Variants in SPC25 observed in about 807,000 individuals in gnomAD.
The protein encoded by SPC25 is kinetochore protein Spc25.
In SPC25, 22 loss-of-function variants were observed where a neutral mutation model predicts 29.6. The observed-to-expected ratio is 0.74, with a 90% CI of 0.53 to 1.06. The LOEUF is 1.06. Ranked by LOEUF, SPC25 falls within the 50% of genes least tolerant of loss-of-function variation. The pLI, the probability that SPC25 is intolerant of heterozygous loss-of-function variation, is 0.00. For synonymous variants in SPC25, 91 were observed against 90.4 expected (o/e 1.01, Z -0.04); for missense variants, 230 against 255.8 (o/e 0.90, Z 0.69).
At chr2:168,880,285 C>T (rs776738017) in intron 3 of SPC25, among the ~76,000 whole-genome samples, 2 of 152,212 alleles carry the variant, frequency 1.3e-5, no homozygotes, top group Non-Finnish European at 2.9e-5. Flanking sequence ...ATGATCTTAG[C>T]TAGATAACTT....
chr2:168,888,953 G>GTATATACACACACACACATATATA (rs1221825706), intron 3 of SPC25, among the ~76,000 whole-genome samples: 1 of 61,548 alleles, frequency 1.6e-5, no homozygotes, highest in Admixed American at 1.8e-4. Flanking sequence ...GTGTGTGTGT[G>GTATATACACACACACACATATATA]TGTGTATATA....
downstream of SPC25, among the ~76,000 whole-genome samples, chr2:168,867,627 A>G (rs1302832213): frequency 2.6e-5 from 4 of 152,246 alleles, no homozygotes; most frequent in African/African-American, 7.2e-5. Flanking sequence ...CAAAGATCAA[A>G]AGAGACAAAG....
chr2:168,869,526 A>G (rs895067445), downstream of SPC25, among the ~76,000 whole-genome samples: 63 of 152,236 alleles, frequency 4.1e-4, no homozygotes, highest in African/African-American at 1.4e-3. Flanking sequence ...ATGCAAAATC[A>G]ATGTGCAAAA....
At chr2:168,884,666 C>T (rs1690231240) in intron 3 of SPC25, among the ~76,000 whole-genome samples, 2 of 152,172 alleles carry the variant, frequency 1.3e-5, no homozygotes, top group African/African-American at 4.8e-5. Context: ...CCTCTGTTCT[C>T]CAATTACGAA....
At chr2:168,884,227 T>G (rs972419018) in intron 3 of SPC25, among the ~76,000 whole-genome samples, 1 of 152,184 alleles carries the variant, frequency 6.6e-6, no homozygotes, top group Non-Finnish European at 1.5e-5. Flanking sequence ...GACACTATCA[T>G]TGTGATCCTA....
chr2:168,865,176 C>T (rs1208288448), intron 4 of SPC25: 4 of 578,920 alleles, frequency 6.9e-6, no homozygotes, highest in Non-Finnish European at 8.9e-6. Context: ...AAGGAAGAGG[C>T]TCCTTGGTTC....
intron 4 of SPC25, among the ~76,000 whole-genome samples, chr2:168,864,131 C>CTAAT (rs1452894149): frequency 6.6e-6 from 1 of 152,030 alleles, no homozygotes; most frequent in Non-Finnish European, 1.5e-5. Flanking sequence ...CCATGCCTGG[C>CTAAT]TAATTTTTGT....
chr2:168,876,084 G>A lies in SPC25; in HGVS notation c.439C>T (p.Arg147Ter), dbSNP rs985695298. ...LYKDRLGLEI[R>*]KIYGEKLQFI... ...TTAACAAACTTACCATAAATTTTTC[G>A]AATTTCTAGTCCAAGTCGATCTTTA... is the stretch of plus-strand genomic sequence containing the variant. The change falls in exon 5 of 7, where the codon CGA (arginine) becomes TGA (stop). Residue 147 changes from arginine to a stop codon, truncating the protein, a stop_gained. Coordinates refer to ENST00000282074, the MANE Select transcript of SPC25 (RefSeq NM_020675.4). LOFTEE classifies it high-confidence loss of function. The A allele has an allele frequency of 7.9e-6, 12 of 1,518,920 alleles. No individual in the cohort carries two copies. The highest frequency in any genetic ancestry group is 7.2e-5 in the African/African-American group (5 of 69,854). 94.1% of individuals were successfully genotyped at this position (1,518,920 alleles called of 1,614,324 possible).
chr2:168,887,421 C>CAAAAAAAAAAAA (rs5836211), intron 3 of SPC25, among the ~76,000 whole-genome samples: 390 of 131,296 alleles, frequency 3.0e-3, no homozygotes, highest in East Asian at 0.027. Flanking sequence ...GACTCCATCT[C>CAAAAAAAAAAAA]AAAAAAAAAA....
chr2:168,889,607 A>G, intron 1 of SPC25, 74 bp from the exon 2 acceptor site: 1 of 1,462,042 alleles, frequency 6.8e-7, no homozygotes, highest in Non-Finnish European at 9.2e-7. Flanking sequence ...TCGGGTATAC[A>G]GTATTTTGGC....
chr2:168,887,421 C>CAAAAAAAA (rs5836211), intron 3 of SPC25, among the ~76,000 whole-genome samples: 2 of 131,390 alleles, frequency 1.5e-5, no homozygotes, highest in African/African-American at 5.7e-5. Context: ...GACTCCATCT[C>CAAAAAAAA]AAAAAAAAAA....
chr2:168,877,153 A>C lies in SPC25; in HGVS notation c.346+85T>G, dbSNP rs1246753747. The C allele has an allele frequency of 1.4e-5, 20 of 1,460,380 alleles. No individual in the cohort carries two copies. The South Asian group carries it at 2.2e-4, about 16-fold the overall frequency. The allele number at this position is 1,460,380 out of a possible 1,614,324, so 90.5% of individuals were successfully genotyped here. On this transcript the variant is annotated intron_variant, in intron 4 of 6. Transcript: ENST00000282074. The stretch of plus-strand genomic sequence containing the variant: ...TACTGTAATCCATTTTTAGCAATGA[A>C]CTGGAACAGGCAAGATGTACTTAAT...
chr2:168,887,421 C>CAAAAAAAAAAAAAAAAAAAAAAAAAAAA (rs5836211), intron 3 of SPC25, among the ~76,000 whole-genome samples: 15 of 131,384 alleles, frequency 1.1e-4, no homozygotes, highest in African/African-American at 4.0e-4. Context: ...GACTCCATCT[C>CAAAAAAAAAAAAAAAAAAAAAAAAAAAA]AAAAAAAAAA....
downstream of SPC25, among the ~76,000 whole-genome samples, chr2:168,867,246 C>A (rs929315617): frequency 1.3e-5 from 2 of 152,018 alleles, no homozygotes; most frequent in Non-Finnish European, 2.9e-5. Flanking sequence ...CAATGATAGA[C>A]TAGATTAAGA....
intron 3 of SPC25, among the ~76,000 whole-genome samples, chr2:168,887,458 A>C (rs1272471282): frequency 6.6e-6 from 1 of 152,094 alleles, no homozygotes; most frequent in Non-Finnish European, 1.5e-5. Context: ...TAAAGAAAGA[A>C]AGTAAACATG....
chr2:168,866,164 A>C (rs1244384181), downstream of SPC25, among the ~76,000 whole-genome samples: 1 of 152,308 alleles, frequency 6.6e-6, no homozygotes, highest in Non-Finnish European at 1.5e-5. Flanking sequence ...CACATTGCCA[A>C]GTCAATCCTA....
At chr2:168,881,804 C>T (rs1162861710) in intron 3 of SPC25, among the ~76,000 whole-genome samples, 1 of 152,098 alleles carries the variant, frequency 6.6e-6, no homozygotes, top group Non-Finnish European at 1.5e-5. Flanking sequence ...CAAAGTTAAA[C>T]AAGTTAGTCC....
At chr2:168,885,867 C>T (rs1183900977) in intron 3 of SPC25, among the ~76,000 whole-genome samples, 1 of 152,110 alleles carries the variant, frequency 6.6e-6, no homozygotes, top group African/African-American at 2.4e-5. Context: ...ATCTATACCT[C>T]TTAGGGTTGT....
At chr2:168,869,110 T>C (rs959136254), downstream of SPC25, among the ~76,000 whole-genome samples, 3 of 152,166 alleles carry the variant, frequency 2.0e-5, no homozygotes, top group African/African-American at 7.2e-5. Flanking sequence ...AAAAACCACA[T>C]AATTATCTCA....
Sources: gnomAD v4.1 joint callset for allele counts (sites outside exome capture counted in the v4.1 genomes callset) on GRCh38, gnomAD v4.1.1 for gene constraint, MANE v1.5 for transcripts, NCBI Gene and HGNC (gene_info 2026-07-23, HGNC 2026-07-21) for gene names.